RBFOX1: variants seen among roughly 807,000 people sequenced by gnomAD.
The protein encoded by RBFOX1 is RNA binding fox-1 homolog 1, also known as RNA binding protein fox-1 homolog 1.
In RBFOX1, 8 loss-of-function variants were observed where a neutral mutation model predicts 57.7. That is an observed-to-expected ratio of 0.14 (90% confidence interval 0.08 to 0.25). The LOEUF is 0.25. RBFOX1 is among the 10% of genes least tolerant of loss of function. RBFOX1 has a pLI of 1.00. For missense variants in RBFOX1, 611 were observed against 548.5 expected, an observed-to-expected ratio of 1.11 and a Z score of -1.14; for synonymous variants, 326 against 222.4, an observed-to-expected ratio of 1.47 and a Z score of -4.15.
At chr16:7,347,611 C>T (rs772963969) in intron 4 of RBFOX1, among the ~76,000 whole-genome samples, 2 of 151,990 alleles carry the variant, frequency 1.3e-5, no homozygotes, top group African/African-American at 4.8e-5. Flanking sequence ...TCAGTCACGC[C>T]GAGATTGAAA....
At position 5,692,545 on chromosome 16, in the gene RBFOX1, C is replaced by T. The variant is rs142618592; in HGVS notation, c.318+93584C>T. On this transcript the variant is annotated intron_variant, in intron 3 of 19. Transcript: ENST00000641259. ...AGAGAAAGTCCATTTCTGCTGTACCCGGTCTCCTAATGCAGCAAATTAGTG... is the reference window on the plus strand; with the variant it reads ...AGAGAAAGTCCATTTCTGCTGTACCTGGTCTCCTAATGCAGCAAATTAGTG... 1.1e-4 allele frequency among the ~76,000 whole-genome samples: 16 copies of T among 152,250 alleles called. No homozygotes were observed. The East Asian group carries it at 2.5e-3, about 24-fold the overall frequency.
intron 4 of RBFOX1, among the ~76,000 whole-genome samples, chr16:7,071,933 C>G (rs1167723062): frequency 2.1e-4 from 32 of 152,080 alleles, no homozygotes; most frequent in Admixed American, 2.1e-3. Flanking sequence ...ACATCTTTTT[C>G]AGCTCTACCT....
intron 2 of RBFOX1, among the ~76,000 whole-genome samples, chr16:6,381,908 A>C (rs1014565823): frequency 2.0e-5 from 3 of 152,204 alleles, no homozygotes; most frequent in Non-Finnish European, 2.9e-5. Flanking sequence ...TGCAGATTCC[A>C]CGAGGGCAGA....
At chr16:6,902,707 T>A (rs2068785128) in intron 3 of RBFOX1, among the ~76,000 whole-genome samples, 1 of 152,110 alleles carries the variant, frequency 6.6e-6, no homozygotes, top group Non-Finnish European at 1.5e-5. Context: ...GGGTGACAAG[T>A]CAAGACTCCA....
chr16:6,825,213 C>T (rs1008381065), intron 3 of RBFOX1, among the ~76,000 whole-genome samples: 1 of 150,304 alleles, frequency 6.7e-6, no homozygotes, highest in Admixed American at 6.7e-5. Context: ...TTTTGGGAGG[C>T]TGCTTAGCAA....
chr16:6,520,990 T>G (rs1463424860), intron 2 of RBFOX1, among the ~76,000 whole-genome samples: 4 of 152,184 alleles, frequency 2.6e-5, no homozygotes, highest in Non-Finnish European at 4.4e-5. Context: ...TAAATTGGCA[T>G]AAATTTTCCG....
intron 3 of RBFOX1, among the ~76,000 whole-genome samples, chr16:5,847,191 C>T (rs2056778360): frequency 6.6e-6 from 1 of 152,114 alleles, no homozygotes. Context: ...AAATACATGA[C>T]TCTCAGGTAG....
intron 1 of RBFOX1, among the ~76,000 whole-genome samples, chr16:5,465,017 G>C (rs1311039201): frequency 2.0e-5 from 3 of 152,148 alleles, no homozygotes; most frequent in East Asian, 1.9e-4. Flanking sequence ...GAAAACCACA[G>C]ACCATCTCCT....
chr16:5,600,895 G>A (rs554882264), downstream of RBFOX1, among the ~76,000 whole-genome samples: 47 of 152,248 alleles, frequency 3.1e-4, no homozygotes, highest in Admixed American at 7.8e-4. Flanking sequence ...TCCGTAAGGT[G>A]TGTGCTGTTT....
chr16:7,217,035 C>CCCTTCCTCCCTCCCTCCCTT (rs1567748697), intron 4 of RBFOX1, among the ~76,000 whole-genome samples: 1 of 87,146 alleles, frequency 1.1e-5, no homozygotes, highest in African/African-American at 5.1e-5. Context: ...CTCCCTCCCT[C>CCCTTCCTCCCTCCCTCCCTT]CCTCCCTCCC....
At chr16:6,212,051 T>A (rs2097301990) in intron 1 of RBFOX1, among the ~76,000 whole-genome samples, 2 of 151,806 alleles carry the variant, frequency 1.3e-5, no homozygotes, top group African/African-American at 4.8e-5. Flanking sequence ...AGAGATGGAG[T>A]TTTGCCATGT....
intron 1 of RBFOX1, among the ~76,000 whole-genome samples, chr16:6,199,207 C>G (rs1026384391): frequency 6.6e-6 from 1 of 152,086 alleles, no homozygotes; most frequent in African/African-American, 2.4e-5. Context: ...CTGGTTAAAA[C>G]AAGCTAAATG....
At chr16:5,620,209 C>G (rs929626422) in intron 3 of RBFOX1, among the ~76,000 whole-genome samples, 1 of 152,132 alleles carries the variant, frequency 6.6e-6, no homozygotes, top group Admixed American at 6.5e-5. Flanking sequence ...CCAGGATCAT[C>G]AGTCCTGGCA....
intron 4 of RBFOX1, among the ~76,000 whole-genome samples, chr16:7,238,305 C>G (rs1003519544): frequency 9.3e-5 from 14 of 151,064 alleles, no homozygotes; most frequent in Admixed American, 2.0e-4. Flanking sequence ...CTTAACACTA[C>G]TCAACTGCAG....
intron 4 of RBFOX1, among the ~76,000 whole-genome samples, chr16:5,900,575 C>T (rs545549253): frequency 1.1e-3 from 167 of 152,254 alleles, no homozygotes; most frequent in African/African-American, 3.9e-3. Flanking sequence ...TTCCTGCTCC[C>T]GCCTCATGCA....
chr16:6,378,372 C>G (rs2091437413), intron 2 of RBFOX1, among the ~76,000 whole-genome samples: 1 of 152,340 alleles, frequency 6.6e-6, no homozygotes, highest in East Asian at 1.9e-4. Flanking sequence ...CAATCCTTCC[C>G]AACAGCTCGC....
At position 6,605,183 on chromosome 16, in the gene RBFOX1, G is replaced by A. The variant is rs148976983; in HGVS notation, c.-63-49420G>A. On this transcript the variant is annotated intron_variant, in intron 2 of 15. Transcript: ENST00000550418. ...AAGCCCAGGAGCTCAAGGCTACAGTGAGATGTGATCAAACCACTGTACTGG... is the reference window on the plus strand; with the variant it reads ...AAGCCCAGGAGCTCAAGGCTACAGTAAGATGTGATCAAACCACTGTACTGG... 6.2e-4 allele frequency among the ~76,000 whole-genome samples: 94 copies of A among 152,228 alleles called. 1 individual carries two copies. In the East Asian group the frequency reaches 0.015, roughly 24 times the overall value.
intron 2 of RBFOX1, among the ~76,000 whole-genome samples, chr16:6,650,091 C>CGGATTGCT (rs2098570771): frequency 6.6e-6 from 1 of 152,054 alleles, no homozygotes; most frequent in Non-Finnish European, 1.5e-5. Flanking sequence ...ATGCAGTAGT[C>CGGATTGCT]GGATTGCTGG....
chr16:7,310,984 G>A (rs908979956), intron 4 of RBFOX1, among the ~76,000 whole-genome samples: 1 of 152,174 alleles, frequency 6.6e-6, no homozygotes, highest in Non-Finnish European at 1.5e-5. Context: ...GATTGCCTGG[G>A]AATCCTCTGC....
Sources: allele counts gnomAD v4.1 joint callset (sites outside exome capture counted in the v4.1 genomes callset), GRCh38; gene constraint gnomAD v4.1.1; transcripts MANE v1.5; gene names NCBI Gene and HGNC (gene_info 2026-07-23, HGNC 2026-07-21).